The following FRAS1 variants were observed in gnomAD, a reference collection of about 807,000 sequenced individuals.
FRAS1 encodes Fraser extracellular matrix complex subunit 1.
In FRAS1, 290 loss-of-function variants were observed where a neutral mutation model predicts 435.2. The ratio of observed to expected loss-of-function variants is 0.67; its 90% CI spans 0.61 to 0.73. The LOEUF (loss-of-function observed/expected upper bound fraction) is 0.73. Ranked by LOEUF, FRAS1 falls within the 30% of genes least tolerant of loss-of-function variation. The probability of loss-of-function intolerance (pLI) is 0.00; values close to 1 mark genes in which losing one functional copy is unlikely to be tolerated. For synonymous variants in FRAS1, 1,800 were observed against 1,851.0 expected (o/e 0.97, Z 0.71); for missense variants, 4,860 against 5,001.5 (o/e 0.97, Z 0.85).
At chr4:78,206,490 A>C (rs759604982) in intron 2 of FRAS1, among the ~76,000 whole-genome samples, 1 of 152,162 alleles carries the variant, frequency 6.6e-6, no homozygotes, top group Non-Finnish European at 1.5e-5. Context: ...CAGCCACTGC[A>C]TTTGTGGTAA....
chr4:78,115,045 G>C (rs962884552), intron 2 of FRAS1, among the ~76,000 whole-genome samples: 1 of 152,036 alleles, frequency 6.6e-6, no homozygotes, highest in African/African-American at 2.4e-5. Context: ...ATGAAGGATT[G>C]TTGAATTTTG....
intron 47 of FRAS1, among the ~76,000 whole-genome samples, chr4:78,455,230 C>T (rs147777432): frequency 4.6e-5 from 7 of 151,828 alleles, no homozygotes; most frequent in African/African-American, 1.2e-4. Flanking sequence ...CCTACCTCCC[C>T]GGCTCTACTA....
chr4:78,443,938 T>C (rs1263452011), intron 41 of FRAS1, among the ~76,000 whole-genome samples: 6 of 152,178 alleles, frequency 3.9e-5, no homozygotes, highest in Non-Finnish European at 8.8e-5. Flanking sequence ...AGCCTCGACC[T>C]CCCAGGCTCA....
In FRAS1 at chr4:78,482,430, A is replaced by G. The variant is rs1018181427; in HGVS notation, c.8647A>G (p.Ile2883Val). 1 of 1,613,882 alleles carries G rather than the reference A, an allele frequency of 6.2e-7. No individual in the cohort carries two copies. The highest frequency in any genetic ancestry group is 1.7e-5 in the Admixed American group (1 of 60,020). ...TILDDTQYPV[I>V]EGLETFVVFL... ...CTTGGATGACACTCAGTATCCGGTA[A>G]TTGAAGGACTGGAGACATTTGTGGT... Residue 2883 changes from isoleucine (I) to valine (V), a missense_variant, in exon 58 of 74, where the codon ATT (isoleucine) becomes GTT (valine). Transcript: ENST00000512123.
intron 37 of FRAS1, among the ~76,000 whole-genome samples, chr4:78,431,422 C>T (rs966842078): frequency 3.9e-5 from 6 of 152,124 alleles, no homozygotes; most frequent in Non-Finnish European, 5.9e-5. Context: ...AGTTTTATTA[C>T]GTTTTCATAG....
At position 78,374,133 on chromosome 4, in the gene FRAS1, G is replaced by A; in HGVS notation, c.3033G>A (p.Gln1011=). 6.3e-7 allele frequency: 1 copy of A among 1,595,354 alleles called. No homozygotes were observed. Among genetic ancestry groups the A allele is most frequent in the Non-Finnish European group, 8.6e-7 (1 of 1,166,118 alleles). The change falls in exon 25 of 74, where the codon CAG becomes CAA. Residue 1011 remains glutamine (Q), a synonymous_variant. Transcript: ENST00000512123. ...CAGACTGTGACAGCTACTGTCTCCA[G>A]TGCCAAGGTCCCCATGAGTGTACCC... The part of the protein sequence containing the change: ...LCKNCDSYCL[Q]CQGPHECTRC...
chr4:78,092,058 A>G (rs557563070), intron 2 of FRAS1, among the ~76,000 whole-genome samples: 1 of 151,594 alleles, frequency 6.6e-6, no homozygotes, highest in Admixed American at 6.6e-5. Context: ...GCTTGGAGGT[A>G]AGACCTTCCC....
chr4:78,478,699 A>G (rs1031802460), intron 55 of FRAS1, among the ~76,000 whole-genome samples: 6 of 152,230 alleles, frequency 3.9e-5, no homozygotes, highest in Non-Finnish European at 8.8e-5. Flanking sequence ...AAGGCACAAC[A>G]AGACTGTAAA....
chr4:78,494,555 T>A (rs1374352569), intron 59 of FRAS1, among the ~76,000 whole-genome samples: 1 of 152,132 alleles, frequency 6.6e-6, no homozygotes, highest in Non-Finnish European at 1.5e-5. Flanking sequence ...AGAGAATTCA[T>A]TCAATCCTGT....
chr4:78,360,344 T>A (rs1301241573), intron 20 of FRAS1, among the ~76,000 whole-genome samples: 2 of 151,810 alleles, frequency 1.3e-5, no homozygotes, highest in African/African-American at 4.8e-5. Flanking sequence ...TACAATGAAG[T>A]GAGGAGTTAG....
At position 78,375,865 on chromosome 4, in the gene FRAS1, A is replaced by G. The variant is rs753880338; in HGVS notation, c.3278A>G (p.Asn1093Ser). The change falls in exon 26 of 74, where the codon AAT (asparagine) becomes AGT (serine). Residue 1093 changes from asparagine (N) to serine (S), a missense_variant. Transcript: ENST00000512123. ...CVPGFSVHTS[N>S]ETCSGKIHTP... is the part of the protein sequence containing the mutation. The stretch of plus-strand genomic sequence containing the variant: ...CCTGGCTTTTCTGTCCACACCTCTA[A>G]TGAAACATGTTCTGGTAAGTGCTTC... 38 of 1,613,742 alleles carry G rather than the reference A, an allele frequency of 2.4e-5. No individual in the cohort carries two copies. Among genetic ancestry groups the G allele is most frequent in the Non-Finnish European group, 3.2e-5 (38 of 1,179,844 alleles).
intron 3 of FRAS1, 59 bp from the exon 4 acceptor site, chr4:78,245,174 C>CTA (rs1203398607): frequency 1.3e-5 from 15 of 1,155,232 alleles, no homozygotes; most frequent in Non-Finnish European, 1.9e-5. Flanking sequence ...GTCTGATGAA[C>CTA]TATTGTGACT....
chr4:78,151,767 A>C (rs890467829), intron 2 of FRAS1, among the ~76,000 whole-genome samples: 1 of 152,196 alleles, frequency 6.6e-6, no homozygotes, highest in Admixed American at 6.5e-5. Flanking sequence ...TTCTCTCATA[A>C]TAGAGAATGT....
At chr4:78,505,323 T>C (rs1720800523) in intron 61 of FRAS1, among the ~76,000 whole-genome samples, 1 of 152,256 alleles carries the variant, frequency 6.6e-6, no homozygotes, top group East Asian at 1.9e-4. Context: ...AAGAGTGTTT[T>C]CCAACTTGGT....
At chr4:78,466,750 C>A (rs1719543784) in intron 50 of FRAS1, among the ~76,000 whole-genome samples, 1 of 151,844 alleles carries the variant, frequency 6.6e-6, no homozygotes, top group Non-Finnish European at 1.5e-5. Context: ...TTCTTTTTGC[C>A]CATCCTTTAC....
intron 59 of FRAS1, 72 bp downstream of exon 59, chr4:78,489,152 A>C: frequency 7.0e-7 from 1 of 1,433,218 alleles, no homozygotes; most frequent in South Asian, 1.3e-5. Context: ...GAAGTCATTT[A>C]TATAAATTCC....
chr4:78,116,957 A>G (rs932356660), intron 2 of FRAS1, among the ~76,000 whole-genome samples: 6 of 152,198 alleles, frequency 3.9e-5, no homozygotes, highest in Non-Finnish European at 7.4e-5. Context: ...ATGTTTTTGC[A>G]GTGGGTCTTA....
chr4:78,116,475 G>T (rs558503367), intron 2 of FRAS1, among the ~76,000 whole-genome samples: 77 of 152,298 alleles, frequency 5.1e-4, no homozygotes, highest in African/African-American at 1.8e-3. Context: ...AAGTCTCTTT[G>T]TAGGTCTCTA....
chr4:78,127,698 T>C lies in FRAS1; in HGVS notation c.108+61682T>C, dbSNP rs556071222. ...AACAAAATGGAACACAGGAAGAGGA[T>C]CGTTTAGAGGAAGGATGATGAAGTA... On this transcript the variant is annotated intron_variant, in intron 2 of 73. Coordinates refer to ENST00000512123, the MANE Select transcript of FRAS1 (RefSeq NM_025074.7). 1.3e-3 allele frequency among the ~76,000 whole-genome samples: 203 copies of C among 151,874 alleles called. 2 individuals are homozygous for C. The highest frequency in any genetic ancestry group is 4.7e-3 in the African/African-American group (195 of 41,404).
Sources: gnomAD v4.1 joint callset for allele counts (sites outside exome capture counted in the v4.1 genomes callset) on GRCh38, gnomAD v4.1.1 for gene constraint, MANE v1.5 for transcripts, NCBI Gene and HGNC (gene_info 2026-07-23, HGNC 2026-07-21) for gene names.